Variants in GLI3 observed in about 807,000 individuals in gnomAD.
GLI3 encodes transcription activator GLI3.
GLI3 carries 20 observed loss-of-function variants against 100.8 expected under a neutral mutation model. The observed-to-expected ratio is 0.20, with a 90% CI of 0.14 to 0.29. The LOEUF is 0.29. Among genes scored for constraint, GLI3 ranks in the 10% least tolerant of loss-of-function variants. The pLI, the probability that GLI3 is intolerant of heterozygous loss-of-function variation, is 1.00. For synonymous variants in GLI3, 938 were observed against 860.5 expected, an observed-to-expected ratio of 1.09 and a Z score of -1.58; for missense variants, 2,040 against 2,128.5, an observed-to-expected ratio of 0.96 and a Z score of 0.82.
intron 2 of GLI3, among the ~76,000 whole-genome samples, chr7:42,216,928 G>C (rs1788389303): frequency 6.6e-6 from 1 of 152,202 alleles, no homozygotes; most frequent in Non-Finnish European, 1.5e-5. Flanking sequence ...CCAGATTTTA[G>C]AAGATATCTA....
At position 42,182,717 on chromosome 7, in the gene GLI3, TACACACAC is replaced by T. The variant is rs66997611; in HGVS notation, c.125-34257_125-34250del. 4.2e-4 allele frequency among the ~76,000 whole-genome samples: 50 copies of T among 118,708 alleles called. 1 individual carries two copies. The highest frequency in any genetic ancestry group is 1.3e-3 in the African/African-American group (36 of 27,418). The allele number at this position is 118,708 out of a possible 152,430, so 77.9% of individuals were successfully genotyped here. ...GTATATATATATACACACATATAAA[TACACACAC>T]ACACACACACACACACACACAGAGG... On this transcript the variant is annotated intron_variant, in intron 2 of 14. Coordinates refer to ENST00000395925, the MANE Select transcript of GLI3 (RefSeq NM_000168.6).
At chr7:42,005,466 C>CACACACACAT (rs1788431882) in intron 10 of GLI3, among the ~76,000 whole-genome samples, 2 of 150,142 alleles carry the variant, frequency 1.3e-5, no homozygotes, top group African/African-American at 5.0e-5. Context: ...CATACACACA[C>CACACACACAT]ACACACACAC....
intron 2 of GLI3, among the ~76,000 whole-genome samples, chr7:42,180,074 C>T (rs1787562649): frequency 6.6e-6 from 1 of 152,034 alleles, no homozygotes; most frequent in African/African-American, 2.4e-5. Context: ...AGAAGAGGGC[C>T]CAGGTCTGAA....
chr7:42,153,392 T>C (rs1449213796), intron 2 of GLI3, among the ~76,000 whole-genome samples: 1 of 152,184 alleles, frequency 6.6e-6, no homozygotes, highest in Non-Finnish European at 1.5e-5. Context: ...TAAAATGCCT[T>C]TTATGTTCAA....
chr7:42,019,427 A>T (rs1246238316), intron 10 of GLI3, among the ~76,000 whole-genome samples: 2 of 152,234 alleles, frequency 1.3e-5, no homozygotes, highest in Non-Finnish European at 2.9e-5. Context: ...AAATTAAAAC[A>T]TGAGGGAAAT....
intron 2 of GLI3, among the ~76,000 whole-genome samples, chr7:42,169,454 A>G (rs986802912): frequency 1.3e-5 from 2 of 152,226 alleles, no homozygotes; most frequent in Non-Finnish European, 2.9e-5. Flanking sequence ...TATCAAACGA[A>G]AAAGTGCTGG....
chr7:42,195,547 A>C (rs1265187160), intron 2 of GLI3, among the ~76,000 whole-genome samples: 1 of 152,300 alleles, frequency 6.6e-6, no homozygotes, highest in South Asian at 2.1e-4. Flanking sequence ...CTCTTCTTCC[A>C]GGAAATGTCC....
intron 3 of GLI3, among the ~76,000 whole-genome samples, chr7:42,120,941 A>C (rs1298699858): frequency 6.6e-6 from 1 of 152,246 alleles, no homozygotes; most frequent in African/African-American, 2.4e-5. Flanking sequence ...GGGATATAAA[A>C]TGACAGGCTC....
intron 10 of GLI3, 102 bp downstream of exon 10, chr7:42,023,366 C>T (rs374129456): frequency 7.4e-6 from 9 of 1,215,328 alleles, no homozygotes; most frequent in South Asian, 3.7e-5. Context: ...GTTCGCAATG[C>T]GGCTCCTAAG....
rs1206720682 is a variant in GLI3 at position 41,960,988 on chromosome 7, A to C, written c.*3342T>G. 3 of 151,850 alleles carry C rather than the reference A, an allele frequency of 2.0e-5. No homozygotes were observed. The highest frequency in any genetic ancestry group is 4.4e-5 in the Non-Finnish European group (3 of 67,876). The allele number at this position is 151,850 out of a possible 1,614,324, so 9.4% of individuals were successfully genotyped here. Reference sequence around the variant, plus strand: ...ATTTTTTATTGACATTGTAAGAAACATTTTTTTTTCTTTGTTACAAAAGGA... The same window carrying C: ...ATTTTTTATTGACATTGTAAGAAACCTTTTTTTTTCTTTGTTACAAAAGGA... On this transcript the variant is annotated 3_prime_UTR_variant, in exon 15 of 15. Transcript: ENST00000395925.
At position 41,993,007 on chromosome 7, in the gene GLI3, C is replaced by T. The variant is rs531186539; in HGVS notation, c.1498-14259G>A. ...TGTTGTTTTGAACCTTTTGTTTCTC[C>T]CATGCTGCCTGCAAAATTCAGTTCT... On this transcript the variant is annotated intron_variant, in intron 10 of 14. Coordinates refer to ENST00000395925, the MANE Select transcript of GLI3 (RefSeq NM_000168.6). 3.9e-5 allele frequency among the ~76,000 whole-genome samples: 6 copies of T among 152,242 alleles called. No individual in the cohort carries two copies. The East Asian group carries it at 1.2e-3, about 29-fold the overall frequency.
intron 10 of GLI3, among the ~76,000 whole-genome samples, chr7:42,009,811 A>G (rs1788562705): frequency 6.6e-6 from 1 of 152,122 alleles, no homozygotes; most frequent in Non-Finnish European, 1.5e-5. Context: ...GCTTGCTTTC[A>G]CTGCCATTCG....
chr7:42,230,184 T>C (rs1056618345), intron 1 of GLI3, among the ~76,000 whole-genome samples: 6 of 152,004 alleles, frequency 3.9e-5, no homozygotes, highest in African/African-American at 1.5e-4. Flanking sequence ...TGTATAATTA[T>C]TTTACCTGTA....
chr7:42,131,265 A>G (rs1354713072), intron 3 of GLI3, among the ~76,000 whole-genome samples: 1 of 152,186 alleles, frequency 6.6e-6, no homozygotes, highest in Non-Finnish European at 1.5e-5. Context: ...GCCAGGAAAG[A>G]AGGGAGCTTT....
intron 2 of GLI3, among the ~76,000 whole-genome samples, chr7:42,187,322 G>A (rs1054728343): frequency 6.6e-6 from 1 of 151,856 alleles, no homozygotes; most frequent in Non-Finnish European, 1.5e-5. Flanking sequence ...AAATGTTACA[G>A]TGAAGTTTGA....
chr7:42,226,201 T>C (rs1010457636), intron 1 of GLI3, among the ~76,000 whole-genome samples: 1 of 152,190 alleles, frequency 6.6e-6, no homozygotes, highest in Admixed American at 6.5e-5. Context: ...TTGGCTGTAT[T>C]TGAGTAGAGT....
At chr7:42,252,719 AATG>A (rs1169967232) in intron 1 of GLI3, among the ~76,000 whole-genome samples, 1 of 152,180 alleles carries the variant, frequency 6.6e-6, no homozygotes, top group Non-Finnish European at 1.5e-5. Flanking sequence ...GAAAGTTCTA[AATG>A]ATATCTTTTT....
intron 1 of GLI3, among the ~76,000 whole-genome samples, chr7:42,227,309 C>T (rs1041483014): frequency 6.9e-6 from 1 of 144,458 alleles, no homozygotes; most frequent in Non-Finnish European, 1.5e-5. Context: ...GTTTGAGTCC[C>T]AGGAGCTCGG....
chr7:42,158,271 T>C lies in GLI3; in HGVS notation c.125-9803A>G, dbSNP rs189818171. On this transcript the variant is annotated intron_variant, in intron 2 of 14. Transcript: ENST00000395925. ...TAATCCCACTGAATCTTCACAGACC[T>C]GTCCAGGATGCAGTATCATCAACCA... 8.5e-5 allele frequency among the ~76,000 whole-genome samples: 13 copies of C among 152,358 alleles called. No individual in the cohort carries two copies. The East Asian group carries it at 1.5e-3, about 18-fold the overall frequency.
Sources: gnomAD v4.1 joint callset for allele counts (sites outside exome capture counted in the v4.1 genomes callset) on GRCh38, gnomAD v4.1.1 for gene constraint, MANE v1.5 for transcripts, NCBI Gene and HGNC (gene_info 2026-07-23, HGNC 2026-07-21) for gene names.